Variants in FOXP2 observed in about 807,000 individuals in gnomAD.
The protein encoded by FOXP2 is forkhead box protein P2.
A neutral mutation model predicts 115.8 loss-of-function variants in FOXP2; 12 were observed. The ratio of observed to expected loss-of-function variants is 0.10; its 90% confidence interval spans 0.07 to 0.17. The LOEUF (loss-of-function observed/expected upper bound fraction) is 0.17. FOXP2 is among the 10% of genes least tolerant of loss of function. FOXP2 has a pLI of 1.00. For missense variants in FOXP2, 629 were observed against 843.5 expected, an observed-to-expected ratio of 0.75 and a Z score of 3.15; for synonymous variants, 328 against 297.7, an observed-to-expected ratio of 1.10 and a Z score of -1.05.
chr7:114,568,162 T>C (rs766848670), intron 3 of FOXP2, among the ~76,000 whole-genome samples: 77 of 152,052 alleles, frequency 5.1e-4, no homozygotes, highest in Admixed American at 3.4e-3. Flanking sequence ...GAAATGTCAC[T>C]ATGAGCCCTC....
chr7:114,250,423 G>A (rs931107221), intron 1 of FOXP2, among the ~76,000 whole-genome samples: 10 of 152,130 alleles, frequency 6.6e-5, no homozygotes, highest in Middle Eastern at 3.2e-3. Context: ...CAGTATAAAA[G>A]TATTCCTGTT....
chr7:114,367,725 T>C (rs564613067), intron 2 of FOXP2, among the ~76,000 whole-genome samples: 55 of 152,310 alleles, frequency 3.6e-4, no homozygotes, highest in African/African-American at 1.3e-3. Context: ...GTACTAACAC[T>C]ACTTTCTAAT....
At chr7:114,312,057 A>G (rs536550031) in intron 2 of FOXP2, among the ~76,000 whole-genome samples, 2 of 152,154 alleles carry the variant, frequency 1.3e-5, no homozygotes, top group Admixed American at 6.5e-5. Flanking sequence ...CTTTATTATT[A>G]TTATTTGCAT....
intron 1 of FOXP2, among the ~76,000 whole-genome samples, chr7:114,195,725 T>G (rs1350837569): frequency 6.6e-6 from 1 of 152,208 alleles, no homozygotes; most frequent in Non-Finnish European, 1.5e-5. Context: ...TATATTGGTT[T>G]ACATTTATTC....
chr7:114,686,471 C>T (rs1223042018), intron 16 of FOXP2, among the ~76,000 whole-genome samples: 1 of 152,196 alleles, frequency 6.6e-6, no homozygotes, highest in Non-Finnish European at 1.5e-5. Flanking sequence ...CAGCGCCTGG[C>T]CAATACTTAA....
intron 5 of FOXP2, 114 bp downstream of exon 5, chr7:114,630,119 G>A: frequency 6.3e-7 from 1 of 1,576,644 alleles, no homozygotes; most frequent in South Asian, 1.1e-5. Flanking sequence ...CAAAGTTGCA[G>A]TATTATATAT....
intron 2 of FOXP2, among the ~76,000 whole-genome samples, chr7:114,339,989 A>G (rs1475102784): frequency 6.6e-6 from 1 of 151,226 alleles, no homozygotes; most frequent in Non-Finnish European, 1.5e-5. Context: ...TTGGCACAAT[A>G]AAAATATTTA....
chr7:114,297,274 G>C, intron 2 of FOXP2: 1 of 521,068 alleles, frequency 1.9e-6, no homozygotes. Context: ...CAGCTCCTAT[G>C]GGGCGAACCC....
At chr7:114,667,795 A>G (rs980998709) in intron 16 of FOXP2, 12 of 152,176 alleles carry the variant, frequency 7.9e-5, no homozygotes, top group African/African-American at 2.9e-4. Context: ...GTAATCTAAA[A>G]GTGTACTGAA....
At chr7:114,348,911 T>C (rs1791411398) in intron 2 of FOXP2, among the ~76,000 whole-genome samples, 1 of 152,098 alleles carries the variant, frequency 6.6e-6, no homozygotes, top group Non-Finnish European at 1.5e-5. Context: ...TTGCCTCGTT[T>C]TTTTCTCAAA....
At chr7:114,604,926 C>T (rs1171221799) in intron 3 of FOXP2, among the ~76,000 whole-genome samples, 4 of 152,248 alleles carry the variant, frequency 2.6e-5, no homozygotes, top group Admixed American at 2.6e-4. Flanking sequence ...CCAATTCTAC[C>T]TCTTACTATT....
In FOXP2 at chr7:114,157,163, A is replaced by AG. The variant is rs1792693608; in HGVS notation, c.-246-5781_-246-5780insG. Among the ~76,000 whole-genome samples the AG allele has an allele frequency of 2.0e-5, 3 of 152,148 alleles. No individual in the cohort carries two copies. In the South Asian group the frequency reaches 6.2e-4, roughly 31 times the overall value. ...CAAATGACTCAGTAATTTCTTCATAATAAAGTTACATTGTTAAGAAAAACA... is the reference window on the plus strand; with the variant it reads ...CAAATGACTCAGTAATTTCTTCATAAGTAAAGTTACATTGTTAAGAAAAACA... On this transcript the variant is annotated intron_variant, in intron 1 of 19. Transcript: ENST00000635638.
At chr7:114,144,016 T>C (rs1792295886) in intron 1 of FOXP2, among the ~76,000 whole-genome samples, 1 of 152,094 alleles carries the variant, frequency 6.6e-6, no homozygotes. Flanking sequence ...TTGCCCACAG[T>C]GCAAAGATCA....
chr7:114,617,763 A>T (rs547662212), intron 3 of FOXP2, among the ~76,000 whole-genome samples: 1 of 152,244 alleles, frequency 6.6e-6, no homozygotes, highest in South Asian at 2.1e-4. Context: ...CTTGCACTCC[A>T]GCCTGGGCAA....
intron 4 of FOXP2, 182 bp from the exon 5 acceptor site, chr7:114,629,623 G>T: frequency 6.4e-7 from 1 of 1,574,720 alleles, no homozygotes; most frequent in East Asian, 2.3e-5. Context: ...GAAAATTTCA[G>T]AGCTGCCTTG....
chr7:114,384,781 G>A (rs111542565), intron 2 of FOXP2, among the ~76,000 whole-genome samples: 9 of 151,358 alleles, frequency 5.9e-5, no homozygotes, highest in Admixed American at 3.3e-4. Context: ...GGTGAGGTGC[G>A]CTCACAACGA....
At chr7:114,529,657 AAAAC>A (rs967157129) in intron 2 of FOXP2, among the ~76,000 whole-genome samples, 3 of 151,844 alleles carry the variant, frequency 2.0e-5, no homozygotes, top group Admixed American at 6.6e-5. Context: ...ATTAGCTTTT[AAAAC>A]AAACAGTCTA....
At chr7:114,102,485 G>T (rs763600656) in intron 1 of FOXP2, among the ~76,000 whole-genome samples, 3 of 151,694 alleles carry the variant, frequency 2.0e-5, no homozygotes, top group Non-Finnish European at 4.4e-5. Flanking sequence ...ATGAATGACT[G>T]TGCCTGTGTT....
At chr7:114,153,780 A>T (rs2129149194) in intron 1 of FOXP2, among the ~76,000 whole-genome samples, 1 of 152,258 alleles carries the variant, frequency 6.6e-6, no homozygotes, top group Admixed American at 6.5e-5. Context: ...GCAGTATTAA[A>T]TACCAAACCT....
Sources: gnomAD v4.1 joint callset for allele counts (sites outside exome capture counted in the v4.1 genomes callset) on GRCh38, gnomAD v4.1.1 for gene constraint, MANE v1.5 for transcripts, NCBI Gene and HGNC (gene_info 2026-07-23, HGNC 2026-07-21) for gene names.